Variants in THADA observed in about 807,000 individuals in gnomAD.
The protein encoded by THADA is tRNA (32-2'-O)-methyltransferase regulator THADA.
In THADA, 213 loss-of-function variants were observed where a neutral mutation model predicts 219.8. The observed-to-expected ratio is 0.97, with a 90% CI of 0.87 to 1.09. THADA has a LOEUF of 1.09. Among genes scored for constraint, THADA ranks in the 50% least tolerant of loss-of-function variants. THADA has a pLI of 0.00. For synonymous variants in THADA, 1,018 were observed against 828.9 expected, an observed-to-expected ratio of 1.23 and a Z score of -3.92; for missense variants, 2,956 against 2,311.3, an observed-to-expected ratio of 1.28 and a Z score of -5.72.
At chr2:43,579,792 G>T (rs189425705) in intron 8 of THADA, among the ~76,000 whole-genome samples, 1 of 152,138 alleles carries the variant, frequency 6.6e-6, no homozygotes, top group African/African-American at 2.4e-5. Flanking sequence ...GGCAACAAAC[G>T]TGGGTGAAAA....
intron 29 of THADA, among the ~76,000 whole-genome samples, chr2:43,359,040 A>G (rs1241998181): frequency 6.6e-6 from 1 of 152,054 alleles, no homozygotes; most frequent in African/African-American, 2.4e-5. Flanking sequence ...TTCATTTGCC[A>G]CTCAAAATCT....
intron 35 of THADA, among the ~76,000 whole-genome samples, chr2:43,285,966 T>C (rs1345934913): frequency 6.6e-6 from 1 of 152,196 alleles, no homozygotes; most frequent in East Asian, 1.9e-4. Context: ...CTAGAAGTCA[T>C]TCTTGAATTT....
chr2:43,495,198 T>C (rs1264082370), intron 25 of THADA, among the ~76,000 whole-genome samples: 1 of 152,224 alleles, frequency 6.6e-6, no homozygotes, highest in East Asian at 1.9e-4. Flanking sequence ...GGTTGACTCA[T>C]AAATTTTATC....
intron 36 of THADA, among the ~76,000 whole-genome samples, chr2:43,255,637 T>C (rs973293577): frequency 2.0e-5 from 3 of 152,216 alleles, no homozygotes; most frequent in Non-Finnish European, 4.4e-5. Flanking sequence ...ACCAAGGGAA[T>C]GCACAAGCTC....
intron 28 of THADA, among the ~76,000 whole-genome samples, chr2:43,409,302 T>G (rs1675982738): frequency 6.6e-6 from 1 of 152,138 alleles, no homozygotes; most frequent in Admixed American, 6.5e-5. Flanking sequence ...AAAGAATGAA[T>G]TTTTAAAAAT....
At chr2:43,233,396 G>C (rs887027265) in intron 36 of THADA, 1 of 153,158 alleles carries the variant, frequency 6.5e-6, no homozygotes, top group African/African-American at 2.4e-5. Context: ...AGCAGCCATG[G>C]ACAATCTGTA....
At chr2:43,509,164 T>C (rs773314329) in intron 22 of THADA, among the ~76,000 whole-genome samples, 1 of 152,214 alleles carries the variant, frequency 6.6e-6, no homozygotes, top group Non-Finnish European at 1.5e-5. Flanking sequence ...TCTATGTTTA[T>C]AGGGATTACA....
intron 29 of THADA, among the ~76,000 whole-genome samples, chr2:43,394,426 A>C (rs1190518020): frequency 2.0e-5 from 3 of 152,260 alleles, no homozygotes; most frequent in Admixed American, 6.5e-5. Flanking sequence ...GTATAATTCA[A>C]GAAAATGTTC....
At chr2:43,483,778 T>C (rs1410448095) in intron 26 of THADA, among the ~76,000 whole-genome samples, 1 of 151,444 alleles carries the variant, frequency 6.6e-6, no homozygotes, top group African/African-American at 2.4e-5. Flanking sequence ...TATATATATA[T>C]TCAAGAATCA....
intron 26 of THADA, among the ~76,000 whole-genome samples, chr2:43,438,663 G>T (rs1024533208): frequency 6.6e-6 from 1 of 152,076 alleles, no homozygotes; most frequent in Non-Finnish European, 1.5e-5. Context: ...TAAACACTTT[G>T]GATCTACCAC....
chr2:43,429,113 T>G (rs1678891036), intron 27 of THADA, among the ~76,000 whole-genome samples: 1 of 152,174 alleles, frequency 6.6e-6, no homozygotes, highest in Non-Finnish European at 1.5e-5. Flanking sequence ...GTGTGTTTTT[T>G]TTTTCTTTTT....
At chr2:43,238,118 CAAAAAAAAAAAAAAAAAAA>C (rs59802310) in intron 36 of THADA, among the ~76,000 whole-genome samples, 195 of 28,302 alleles carry the variant, frequency 6.9e-3, no homozygotes, top group Non-Finnish European at 7.7e-3. Flanking sequence ...GATTCCATCT[CAAAAAAAAAAAAAAAAAAA>C]AAAAAAAAAA....
At chr2:43,554,086 C>T (rs1394468769) in intron 17 of THADA, among the ~76,000 whole-genome samples, 1 of 152,144 alleles carries the variant, frequency 6.6e-6, no homozygotes, top group African/African-American at 2.4e-5. Context: ...TAATGGCATC[C>T]TTTCACATAC....
chr2:43,382,291 C>T (rs1238943696), intron 29 of THADA, among the ~76,000 whole-genome samples: 1 of 152,090 alleles, frequency 6.6e-6, no homozygotes, highest in East Asian at 1.9e-4. Flanking sequence ...TGCATACTAA[C>T]GTAAGATAGT....
chr2:43,232,318 A>G (rs1667533839), intron 37 of THADA, among the ~76,000 whole-genome samples: 2 of 152,160 alleles, frequency 1.3e-5, no homozygotes, highest in South Asian at 4.1e-4. Flanking sequence ...AGCTGGGACT[A>G]CAGGCACCCA....
At chr2:43,527,189 CA>C (rs1693266825) in intron 22 of THADA, among the ~76,000 whole-genome samples, 1 of 152,138 alleles carries the variant, frequency 6.6e-6, no homozygotes, top group Non-Finnish European at 1.5e-5. Context: ...TGCTTCATTT[CA>C]AAAAGTTTCC....
chr2:43,410,859 A>C (rs7591218), intron 28 of THADA, among the ~76,000 whole-genome samples: 1 of 151,960 alleles, frequency 6.6e-6, no homozygotes, highest in Non-Finnish European at 1.5e-5. Context: ...TTTATTTTAC[A>C]TCAATTGTAC....
At chr2:43,451,864 C>T (rs1261158455) in intron 26 of THADA, among the ~76,000 whole-genome samples, 4 of 152,150 alleles carry the variant, frequency 2.6e-5, no homozygotes, top group Non-Finnish European at 5.9e-5. Context: ...CCCAGCACTT[C>T]GGGAGGCTGA....
At chr2:43,594,794 C>T (rs981383489) in intron 1 of THADA, among the ~76,000 whole-genome samples, 3 of 152,112 alleles carry the variant, frequency 2.0e-5, no homozygotes, top group Non-Finnish European at 4.4e-5. Context: ...CATTCCACAT[C>T]TTTGCAAGAC....
Sources: allele counts gnomAD v4.1 joint callset (sites outside exome capture counted in the v4.1 genomes callset), GRCh38; gene constraint gnomAD v4.1.1; transcripts MANE v1.5; gene names NCBI Gene and HGNC (gene_info 2026-07-23, HGNC 2026-07-21).